The following NRG3 variants were observed in gnomAD, a reference collection of about 807,000 sequenced individuals.
The protein encoded by NRG3 is neuregulin 3, also known as pro-neuregulin-3, membrane-bound isoform.
NRG3 carries 31 observed loss-of-function variants against 66.9 expected under a neutral mutation model. The observed-to-expected ratio is 0.46, with a 90% CI of 0.35 to 0.63. NRG3 has a LOEUF of 0.63. Ranked by LOEUF, NRG3 falls within the 20% of genes least tolerant of loss-of-function variation. The pLI is 0.00. For synonymous variants in NRG3, 393 were observed against 359.4 expected (o/e 1.09, Z -1.06); for missense variants, 910 against 878.9 (o/e 1.04, Z -0.45).
intron 2 of NRG3, among the ~76,000 whole-genome samples, chr10:82,585,931 TA>T (rs1210422437): frequency 6.6e-6 from 1 of 152,222 alleles, no homozygotes; most frequent in Non-Finnish European, 1.5e-5. Flanking sequence ...TAGGATTACT[TA>T]AAAACTGCGT....
intron 2 of NRG3, among the ~76,000 whole-genome samples, chr10:82,496,234 G>T (rs1383177770): frequency 6.6e-6 from 1 of 152,170 alleles, no homozygotes; most frequent in Non-Finnish European, 1.5e-5. Flanking sequence ...GAAGAATTAA[G>T]GGTGAGAGAA....
In NRG3 at chr10:82,771,166, C is replaced by T. The variant is rs547097243; in HGVS notation, c.1027+32516C>T. Among the ~76,000 whole-genome samples, 4 of 152,200 alleles carry T rather than the reference C, an allele frequency of 2.6e-5. No individual in the cohort carries two copies. In the South Asian group the frequency reaches 8.3e-4, roughly 32 times the overall value. On this transcript the variant is annotated intron_variant, in intron 3 of 8. Coordinates refer to ENST00000372141, the MANE Select transcript of NRG3 (RefSeq NM_001010848.4). The stretch of plus-strand genomic sequence containing the variant: ...AACATTCTGGTATAAATTTGTTATA[C>T]TTTTATCACCTTCCTTCTTAAACAA...
chr10:82,743,852 T>C (rs1346005428), intron 3 of NRG3, among the ~76,000 whole-genome samples: 1 of 152,224 alleles, frequency 6.6e-6, no homozygotes, highest in Non-Finnish European at 1.5e-5. Context: ...TGTTCTGTAT[T>C]CTTGCCTTTC....
At chr10:81,975,915 G>A (rs1195751484) in intron 1 of NRG3, among the ~76,000 whole-genome samples, 1 of 152,084 alleles carries the variant, frequency 6.6e-6, no homozygotes, top group Non-Finnish European at 1.5e-5. Context: ...TGAAGCTGTG[G>A]CTGGCTTGGA....
chr10:81,964,717 C>G (rs1171586901), intron 1 of NRG3, among the ~76,000 whole-genome samples: 2 of 152,114 alleles, frequency 1.3e-5, no homozygotes, highest in East Asian at 3.9e-4. Context: ...GAGTCAACCC[C>G]CTACCACACG....
chr10:82,231,840 A>G (rs2076485503), intron 1 of NRG3, among the ~76,000 whole-genome samples: 1 of 152,164 alleles, frequency 6.6e-6, no homozygotes, highest in Non-Finnish European at 1.5e-5. Context: ...TGTCTTCATA[A>G]ATTCTCTAAA....
At chr10:82,675,459 AT>A (rs1349008938) in intron 2 of NRG3, among the ~76,000 whole-genome samples, 1 of 152,164 alleles carries the variant, frequency 6.6e-6, no homozygotes, top group Non-Finnish European at 1.5e-5. Context: ...CCGAAAAGAC[AT>A]TTCAAAAGGC....
At chr10:82,885,128 A>G (rs1842621185) in intron 4 of NRG3, among the ~76,000 whole-genome samples, 1 of 152,220 alleles carries the variant, frequency 6.6e-6, no homozygotes, top group South Asian at 2.1e-4. Context: ...TCAATCTTCT[A>G]TCCAAGAAGA....
At chr10:82,431,339 C>T (rs1271300198) in intron 2 of NRG3, among the ~76,000 whole-genome samples, 1 of 152,146 alleles carries the variant, frequency 6.6e-6, no homozygotes, top group Non-Finnish European at 1.5e-5. Flanking sequence ...CTGATTTTCA[C>T]AGCTGTTACT....
At chr10:82,976,208 A>T (rs865896017) in intron 7 of NRG3, among the ~76,000 whole-genome samples, 1 of 152,002 alleles carries the variant, frequency 6.6e-6, no homozygotes. Flanking sequence ...GGCACATGCT[A>T]CCATGCCGGG....
At chr10:82,176,474 A>G (rs1224786077) in intron 1 of NRG3, among the ~76,000 whole-genome samples, 3 of 152,136 alleles carry the variant, frequency 2.0e-5, no homozygotes, top group Admixed American at 1.3e-4. Flanking sequence ...ATAGAAATGC[A>G]TGCTTGCTGC....
intron 3 of NRG3, among the ~76,000 whole-genome samples, chr10:82,852,235 C>T (rs1343072098): frequency 1.3e-5 from 2 of 151,848 alleles, no homozygotes; most frequent in Non-Finnish European, 2.9e-5. Context: ...AAGTGGGAGT[C>T]GAACAATGAG....
intron 1 of NRG3, among the ~76,000 whole-genome samples, chr10:82,053,804 C>T (rs2063711213): frequency 6.6e-6 from 1 of 152,030 alleles, no homozygotes; most frequent in Non-Finnish European, 1.5e-5. Flanking sequence ...GTTGGGTGTG[C>T]AATTTTAAAT....
intron 3 of NRG3, among the ~76,000 whole-genome samples, chr10:82,744,618 A>C (rs1398538002): frequency 6.6e-6 from 1 of 152,186 alleles, no homozygotes; most frequent in African/African-American, 2.4e-5. Flanking sequence ...CAGTAAACTC[A>C]GTGTAGTTAA....
At chr10:82,532,459 C>A (rs1847353817) in intron 2 of NRG3, among the ~76,000 whole-genome samples, 3 of 148,276 alleles carry the variant, frequency 2.0e-5, no homozygotes, top group African/African-American at 7.4e-5. Flanking sequence ...TATTACTATA[C>A]AATGGATTAC....
chr10:82,072,615 A>G (rs1590000891), intron 1 of NRG3, among the ~76,000 whole-genome samples: 1 of 152,148 alleles, frequency 6.6e-6, no homozygotes. Flanking sequence ...GTTGGTATCT[A>G]TACTTTAAAA....
Position 82,375,460 on chromosome 10 carries a change from C to T in NRG3, c.953+16592C>T, listed in dbSNP as rs558428280. On this transcript the variant is annotated intron_variant, in intron 2 of 8. Transcript: ENST00000372141. ...GCTGAGGCAGGAGAATGGCGTGAAC[C>T]TGGGAGGCGGAGCTTGCAGTGAGCT... Among the ~76,000 whole-genome samples the T allele has an allele frequency of 4.0e-5, 6 of 151,296 alleles. No homozygotes were observed. In the South Asian group the frequency reaches 1.3e-3, roughly 32 times the overall value.
intron 1 of NRG3, among the ~76,000 whole-genome samples, chr10:81,985,819 C>G (rs976282698): frequency 6.6e-5 from 10 of 152,132 alleles, no homozygotes; most frequent in Non-Finnish European, 1.3e-4. Context: ...TCACAATTAG[C>G]CTTTGATAAA....
chr10:82,101,700 T>C (rs1191011866), intron 1 of NRG3, among the ~76,000 whole-genome samples: 1 of 151,760 alleles, frequency 6.6e-6, no homozygotes, highest in East Asian at 1.9e-4. Context: ...ATACTTTGTA[T>C]GACTTTAATT....
Sources: gnomAD v4.1 joint callset for allele counts (sites outside exome capture counted in the v4.1 genomes callset) on GRCh38, gnomAD v4.1.1 for gene constraint, MANE v1.5 for transcripts, NCBI Gene and HGNC (gene_info 2026-07-23, HGNC 2026-07-21) for gene names.